Variants in SLC28A1 observed in about 807,000 individuals in gnomAD.
SLC28A1 encodes the protein solute carrier family 28 member 1.
In SLC28A1, 64 loss-of-function variants were observed where a neutral mutation model predicts 74.8. The ratio of observed to expected loss-of-function variants is 0.86; its 90% CI spans 0.70 to 1.05. The LOEUF (loss-of-function observed/expected upper bound fraction) is 1.05. Ranked by LOEUF, SLC28A1 falls within the 50% of genes least tolerant of loss-of-function variation. The pLI is 0.00. For synonymous variants in SLC28A1, 359 were observed against 335.0 expected (o/e 1.07, Z -0.78); for missense variants, 828 against 822.8 (o/e 1.01, Z -0.08).
downstream of SLC28A1, among the ~76,000 whole-genome samples, chr15:84,946,883 T>C (rs2079251475): frequency 6.6e-6 from 1 of 152,178 alleles, no homozygotes; most frequent in East Asian, 1.9e-4. Context: ...CCCAGCAGCT[T>C]TGGCTTCCAG....
At chr15:84,922,966 T>C (rs962072730) in intron 11 of SLC28A1, among the ~76,000 whole-genome samples, 9 of 152,336 alleles carry the variant, frequency 5.9e-5, no homozygotes, top group South Asian at 4.1e-4. Flanking sequence ...AGATGGAGTC[T>C]CGCTCTGTCA....
chr15:84,899,967 AGAAG>A (rs372536809), intron 6 of SLC28A1, among the ~76,000 whole-genome samples: 55 of 54,876 alleles, frequency 1.0e-3, no homozygotes, highest in Non-Finnish European at 1.6e-3. Context: ...AAGGAAGGAA[AGAAG>A]GAAGGAAGGA....
chr15:84,937,276 C>T (rs1483512990), intron 15 of SLC28A1, among the ~76,000 whole-genome samples: 1 of 152,010 alleles, frequency 6.6e-6, no homozygotes, highest in Non-Finnish European at 1.5e-5. Context: ...AAATGAGTAT[C>T]TTTGTGCATA....
chr15:84,890,265 C>A (rs1290712017), intron 4 of SLC28A1, among the ~76,000 whole-genome samples, 178 bp from the exon 5 acceptor site: 3 of 152,212 alleles, frequency 2.0e-5, no homozygotes, highest in Non-Finnish European at 2.9e-5. Context: ...AAGGCCTGAA[C>A]CATTTCTACA....
chr15:84,946,702 G>T (rs11858906), downstream of SLC28A1, among the ~76,000 whole-genome samples: 127,497 of 152,046 alleles, frequency 0.84, 53,997 homozygotes, highest in African/African-American at 0.96. Context: ...AACCCTGATG[G>T]GTGGCCCGCC....
At chr15:84,936,175 C>A (rs1971905090) in intron 15 of SLC28A1, among the ~76,000 whole-genome samples, 1 of 150,962 alleles carries the variant, frequency 6.6e-6, no homozygotes, top group Non-Finnish European at 1.5e-5. Context: ...GATCTCCTGA[C>A]CTCGTGATCT....
chr15:84,887,834 G>T lies in SLC28A1; in HGVS notation c.74G>T (p.Gly25Val). The part of the protein sequence containing the change: ...TPVAKGLENM[G>V]ADFLESLEEG... ...GTGGCCAAGGGTCTGGAGAACATGG[G>T]GGCTGATTTCTTGGAAAGCCTGGTC... is the stretch of plus-strand genomic sequence containing the variant. The change falls in exon 3 of 19, where the codon GGG becomes GTG. Residue 25 changes from glycine (G) to valine (V), a missense_variant. Around this residue, in one of 3 missense-constraint regions of SLC28A1, gnomAD observed 767 missense variants for 753.5 expected, o/e 1.02. Transcript: ENST00000394573. 1.2e-6 allele frequency: 2 copies of T among 1,613,770 alleles called. No homozygotes were observed. Among genetic ancestry groups the T allele is most frequent in the Non-Finnish European group, 1.7e-6 (2 of 1,179,666 alleles).
At chr15:84,912,816 A>ACG (rs1567151013) in intron 9 of SLC28A1, among the ~76,000 whole-genome samples, 1 of 127,764 alleles carries the variant, frequency 7.8e-6, no homozygotes, top group African/African-American at 2.8e-5. Flanking sequence ...GCACACACAC[A>ACG]CACACACACA....
At chr15:84,918,039 G>A (rs1969355237) in intron 9 of SLC28A1, among the ~76,000 whole-genome samples, 1 of 152,138 alleles carries the variant, frequency 6.6e-6, no homozygotes, top group African/African-American at 2.4e-5. Flanking sequence ...CTGAGCAGAA[G>A]TGGAGCACCA....
intron 9 of SLC28A1, among the ~76,000 whole-genome samples, chr15:84,912,230 G>A (rs147111675): frequency 1.0e-3 from 153 of 152,308 alleles, no homozygotes; most frequent in East Asian, 8.1e-3. Flanking sequence ...CTCAAGGTAG[G>A]GGTGGTTTTG....
At chr15:84,905,931 TA>T (rs1275468638) in intron 8 of SLC28A1, among the ~76,000 whole-genome samples, 18 of 141,080 alleles carry the variant, frequency 1.3e-4, no homozygotes, top group Middle Eastern at 3.6e-3. Flanking sequence ...TTAAAAGTGC[TA>T]AAAAAAAAAA....
rs11441783 is a variant in SLC28A1 at position 84,928,631 on chromosome 15, T to TC, written c.1084-4513dup. Among the ~76,000 whole-genome samples the TC allele has an allele frequency of 0.021, 378 of 17,792 alleles. 145 individuals carry two copies. The East Asian group carries it at 0.76, about 36-fold the overall frequency. The allele number at this position is 17,792 out of a possible 152,430, so 11.7% of individuals were successfully genotyped here. ...TCTTTCTTTCTTTTCTTTCTTTCTTTCTTTTTTTTTGAGACAGAGTCTCCC... is the reference window on the plus strand; with the variant it reads ...TCTTTCTTTCTTTTCTTTCTTTCTTTCCTTTTTTTTTGAGACAGAGTCTCCC... On this transcript the variant is annotated intron_variant, in intron 12 of 18. Transcript: ENST00000394573.
chr15:84,942,029 C>T (rs960436309), intron 15 of SLC28A1, among the ~76,000 whole-genome samples: 1 of 151,980 alleles, frequency 6.6e-6, no homozygotes, highest in Admixed American at 6.6e-5. Context: ...TACCTTGTAA[C>T]TATATTTATT....
Position 84,886,479 on chromosome 15 carries a change from G to A in SLC28A1, c.-132-193G>A, listed in dbSNP as rs989019754. On this transcript the variant is annotated intron_variant, in intron 1 of 18. Transcript: ENST00000394573. ...TTTGGGAACTGGGGAGAGGGCAGAGGAGGGCATCTCTGATGGAGAAGCAGC... is the reference window on the plus strand; with the variant it reads ...TTTGGGAACTGGGGAGAGGGCAGAGAAGGGCATCTCTGATGGAGAAGCAGC... The A allele has an allele frequency of 3.9e-5, 38 of 985,436 alleles. 1 individual carries two copies. The South Asian group carries it at 1.7e-3, about 44-fold the overall frequency. 61.0% of individuals were successfully genotyped at this position (985,436 alleles called of 1,614,324 possible). A position where few individuals can be genotyped will look rare whatever the true frequency, so the allele number is the denominator to read the frequency against.
At chr15:84,949,164 C>T (rs1334702690), downstream of SLC28A1, among the ~76,000 whole-genome samples, 1 of 152,178 alleles carries the variant, frequency 6.6e-6, no homozygotes, top group African/African-American at 2.4e-5. Context: ...TCACATAACA[C>T]ATAGCAGGGT....
At chr15:84,887,266 C>A in intron 2 of SLC28A1, 1 of 690,968 alleles carries the variant, frequency 1.4e-6, no homozygotes, top group Non-Finnish European at 1.8e-6. Context: ...CAGAAAAATG[C>A]CTGTATCAGA....
chr15:84,938,926 G>A (rs539902722), intron 15 of SLC28A1, among the ~76,000 whole-genome samples: 2 of 152,194 alleles, frequency 1.3e-5, no homozygotes, highest in African/African-American at 2.4e-5. Flanking sequence ...CACTTGGTGT[G>A]CTTAGAGAGC....
intron 12 of SLC28A1, among the ~76,000 whole-genome samples, chr15:84,925,010 C>A (rs1596318610): frequency 6.7e-6 from 1 of 150,246 alleles, no homozygotes; most frequent in African/African-American, 2.4e-5. Context: ...AAGCGTTTCT[C>A]CTGCCTCAGC....
chr15:84,923,758 A>T lies in SLC28A1; in HGVS notation c.958-227A>T, dbSNP rs114804962. Among the ~76,000 whole-genome samples, 1,083 of 152,220 alleles carry T rather than the reference A, an allele frequency of 7.1e-3. 15 individuals are homozygous for T. The highest frequency in any genetic ancestry group is 0.025 in the African/African-American group (1,041 of 41,528). ...CGGGGTGCCTGGCACGTGGCAGGACATCAACACAGGGGAGCATTGTCAGGC... is the reference window on the plus strand; with the variant it reads ...CGGGGTGCCTGGCACGTGGCAGGACTTCAACACAGGGGAGCATTGTCAGGC... On this transcript the variant is annotated intron_variant, in intron 11 of 18. Transcript: ENST00000394573.
Sources: allele counts gnomAD v4.1 joint callset (sites outside exome capture counted in the v4.1 genomes callset), GRCh38; gene constraint gnomAD v4.1.1; regional missense constraint gnomAD v4.1.1; transcripts MANE v1.5; gene names NCBI Gene and HGNC (gene_info 2026-07-23, HGNC 2026-07-21).